Variants in BNIP2 observed in about 807,000 individuals in gnomAD.
BNIP2 encodes the protein BCL2 interacting protein 2.
In BNIP2, 36 loss-of-function variants were observed where a neutral mutation model predicts 43.4. That is an observed-to-expected ratio of 0.83 (90% CI 0.64 to 1.10). The LOEUF is 1.10. BNIP2 is among the 50% of genes least tolerant of loss of function. The probability of loss-of-function intolerance (pLI) is 0.00; values close to 1 mark genes in which losing one functional copy is unlikely to be tolerated. For missense variants in BNIP2, 417 were observed against 374.1 expected (o/e 1.11, Z -0.95); for synonymous variants, 146 against 121.0 (o/e 1.21, Z -1.35).
intron 9 of BNIP2, among the ~76,000 whole-genome samples, chr15:59,664,994 C>T (rs1218958533): frequency 1.3e-5 from 2 of 152,068 alleles, no homozygotes; most frequent in Non-Finnish European, 2.9e-5. Context: ...GGCCGGATGC[C>T]GTGGCTCACG....
chr15:59,677,901 T>G lies in BNIP2; in HGVS notation c.472+10A>C, dbSNP rs779563250. 1.3e-6 allele frequency: 2 copies of G among 1,584,944 alleles called. No homozygotes were observed. Among genetic ancestry groups the G allele is most frequent in the Admixed American group, 3.9e-5 (2 of 51,062 alleles). ...ATTAAACAATCTGAAAAATCCTCAG[T>G]AACTCTTACCCCCATGGCTGATAAC... is the stretch of plus-strand genomic sequence containing the variant. On this transcript the variant is annotated intron_variant, in intron 5 of 9. Coordinates refer to ENST00000607373, the MANE Select transcript of BNIP2 (RefSeq NM_004330.4).
Position 59,662,171 on chromosome 15 carries a change from A to G in BNIP2, c.*1898T>C, listed in dbSNP as rs1327138245. 1.3e-5 allele frequency: 2 copies of G among 152,230 alleles called. No individual in the cohort carries two copies. The highest frequency in any genetic ancestry group is 2.9e-5 in the Non-Finnish European group (2 of 68,052). The allele number at this position is 152,230 out of a possible 1,614,324, so 9.4% of individuals were successfully genotyped here. ...CAAGTACTTAATGTGGTAGAAAACC[A>G]CCTATTAAAAACCTCAGCCCATTTT... On this transcript the variant is annotated 3_prime_UTR_variant, in exon 10 of 10. Transcript: ENST00000607373.
chr15:59,669,745 C>T (rs926463550), intron 7 of BNIP2, among the ~76,000 whole-genome samples: 1 of 152,186 alleles, frequency 6.6e-6, no homozygotes, highest in Admixed American at 6.5e-5. Context: ...ATGAAAAGCA[C>T]TGTGCAGGCA....
At position 59,663,829 on chromosome 15, in the gene BNIP2, CAATATAA is replaced by C. The variant is rs1473446864; in HGVS notation, c.*233_*239del. 3.0e-6 allele frequency: 1 copy of C among 336,136 alleles called. No homozygotes were observed. Among genetic ancestry groups the C allele is most frequent in the Non-Finnish European group, 5.3e-6 (1 of 187,742 alleles). The allele number at this position is 336,136 out of a possible 1,614,324, so 20.8% of individuals were successfully genotyped here. A position where few individuals can be genotyped will look rare whatever the true frequency, so the allele number is the denominator to read the frequency against. ...ATATAAAGTGTGGTTCTCTATTTAG[CAATATAA>C]AATATAAAACGATAATAATACAGTT... On this transcript the variant is annotated 3_prime_UTR_variant, in exon 10 of 10. Coordinates refer to ENST00000607373, the MANE Select transcript of BNIP2 (RefSeq NM_004330.4).
intron 1 of BNIP2, among the ~76,000 whole-genome samples, chr15:59,684,702 T>TAAA (rs1893905173): frequency 6.6e-6 from 1 of 152,246 alleles, no homozygotes; most frequent in Non-Finnish European, 1.5e-5. Context: ...TGTATTTTCC[T>TAAA]AAATTCAATA....
At chr15:59,682,833 G>C (rs77052069) in intron 1 of BNIP2, among the ~76,000 whole-genome samples, 53 of 152,226 alleles carry the variant, frequency 3.5e-4, no homozygotes, top group African/African-American at 1.1e-3. Flanking sequence ...AAAATTTGAA[G>C]TGGGGTAAGA....
At chr15:59,685,617 G>T (rs145880584) in intron 1 of BNIP2, among the ~76,000 whole-genome samples, 1 of 152,096 alleles carries the variant, frequency 6.6e-6, no homozygotes, top group South Asian at 2.1e-4. Flanking sequence ...ATATCATATT[G>T]AATCATGTGT....
rs747962972 is a variant in BNIP2 at position 59,680,323 on chromosome 15, C to T, written c.51-15G>A. 3.8e-6 allele frequency: 6 copies of T among 1,577,514 alleles called. No individual in the cohort carries two copies. The highest frequency in any genetic ancestry group is 2.3e-5 in the South Asian group (2 of 85,862). ...CTGGTAAAGGTCTAGAAGACACAGG[C>T]ATACTTTTTAATCCAGAAATTAAGA... On this transcript the variant is annotated splice_polypyrimidine_tract_variant and intron_variant, in intron 2 of 9. Transcript: ENST00000607373.
chr15:59,668,696 G>T, intron 9 of BNIP2, 196 bp downstream of exon 9: 1 of 501,544 alleles, frequency 2.0e-6, no homozygotes, highest in Non-Finnish European at 3.5e-6. Flanking sequence ...CTGACAGCCT[G>T]AAGAAAATGC....
At chr15:59,675,575 C>A (rs12903647) in intron 5 of BNIP2, among the ~76,000 whole-genome samples, 1 of 152,072 alleles carries the variant, frequency 6.6e-6, no homozygotes, top group East Asian at 1.9e-4. Context: ...CCACTGCACT[C>A]CAGCCTGGGT....
chr15:59,682,418 C>A lies in BNIP2; in HGVS notation c.40G>T (p.Asp14Tyr). 1 of 1,612,116 alleles carries A rather than the reference C, an allele frequency of 6.2e-7. No individual in the cohort carries two copies. ...VELKEEWQDE[D>Y]FPIPLPEDDS... is the part of the protein sequence containing the mutation. ...AAAAGCATTGCTCACATCGGAAAAT[C>A]TTCATCTTGCCATTCTTCTTTAAGT... Residue 14 changes from aspartate to tyrosine, a missense_variant, in exon 2 of 10, where the codon GAT becomes TAT. Coordinates refer to ENST00000607373, the MANE Select transcript of BNIP2 (RefSeq NM_004330.4).
At chr15:59,674,324 ATCAC>A (rs780093816) in intron 5 of BNIP2, among the ~76,000 whole-genome samples, 4 of 152,138 alleles carry the variant, frequency 2.6e-5, no homozygotes, top group Non-Finnish European at 5.9e-5. Flanking sequence ...ACCTTTCTTA[ATCAC>A]TCAGTCACAA....
rs1158672569 is a variant in BNIP2 at position 59,662,950 on chromosome 15, C to A, written c.*1119G>T. The A allele has an allele frequency of 6.6e-6, 1 of 152,386 alleles. No individual in the cohort carries two copies. The highest frequency in any genetic ancestry group is 1.9e-4 in the East Asian group (1 of 5,200). 9.4% of individuals were successfully genotyped at this position (152,386 alleles called of 1,614,324 possible). ...CTTGTAACAAACGTGTTATCCAAAA[C>A]AGCACAATATGATGATGCTAAGACT... On this transcript the variant is annotated 3_prime_UTR_variant, in exon 10 of 10. Transcript: ENST00000607373.
intron 7 of BNIP2, among the ~76,000 whole-genome samples, chr15:59,669,912 A>C (rs1390313336): frequency 6.6e-6 from 1 of 152,216 alleles, no homozygotes; most frequent in African/African-American, 2.4e-5. Context: ...TGCATATTTC[A>C]CACATAAAGT....
chr15:59,684,636 T>A lies in BNIP2; in HGVS notation c.-57-2122A>T, dbSNP rs58028664. On this transcript the variant is annotated intron_variant, in intron 1 of 9. Transcript: ENST00000607373. The stretch of plus-strand genomic sequence containing the variant: ...TCTTTTCTAGATGTTTAATTTACTG[T>A]ATTTCCCAATGTTTAACTTTTCTTA... Among the ~76,000 whole-genome samples, 29 of 152,350 alleles carry A rather than the reference T, an allele frequency of 1.9e-4. No individual in the cohort carries two copies. In the East Asian group the frequency reaches 5.0e-3, roughly 26 times the overall value.
chr15:59,687,025 T>TAAATA (rs1168895901), intron 1 of BNIP2, among the ~76,000 whole-genome samples: 1 of 152,052 alleles, frequency 6.6e-6, no homozygotes, highest in Non-Finnish European at 1.5e-5. Flanking sequence ...TCAAAAAAGC[T>TAAATA]AAATAAAATA....
rs1309918852 is a variant in BNIP2 at position 59,675,918 on chromosome 15, C to A, written c.472+1993G>T. Among the ~76,000 whole-genome samples the A allele has an allele frequency of 2.0e-5, 3 of 152,276 alleles. No individual in the cohort carries two copies. The East Asian group carries it at 5.8e-4, about 29-fold the overall frequency. ...AAATTCTAGAAGAGGCAAAACTAATCAGGGGGTAGATATGACAGTGGCTAC... is the reference window on the plus strand; with the variant it reads ...AAATTCTAGAAGAGGCAAAACTAATAAGGGGGTAGATATGACAGTGGCTAC... On this transcript the variant is annotated intron_variant, in intron 5 of 9. Coordinates refer to ENST00000607373, the MANE Select transcript of BNIP2 (RefSeq NM_004330.4).
chr15:59,667,315 C>T (rs1892624654), intron 9 of BNIP2, among the ~76,000 whole-genome samples: 1 of 152,182 alleles, frequency 6.6e-6, no homozygotes, highest in Admixed American at 6.5e-5. Flanking sequence ...AAATCTCTCA[C>T]CGTAACTCTT....
At chr15:59,667,481 T>C (rs1252399528) in intron 9 of BNIP2, among the ~76,000 whole-genome samples, 1 of 152,238 alleles carries the variant, frequency 6.6e-6, no homozygotes, top group African/African-American at 2.4e-5. Context: ...TATCAATAGA[T>C]AATAGTTTGT....
Sources: allele counts gnomAD v4.1 joint callset (sites outside exome capture counted in the v4.1 genomes callset), GRCh38; gene constraint gnomAD v4.1.1; transcripts MANE v1.5; gene names NCBI Gene and HGNC (gene_info 2026-07-23, HGNC 2026-07-21).